SPINK8: variants seen among roughly 807,000 people sequenced by gnomAD.
SPINK8 encodes the protein serine protease inhibitor Kazal-type 8.
Under a neutral mutation model 14.4 loss-of-function variants are expected in SPINK8, and 12 were observed. The ratio of observed to expected loss-of-function variants is 0.83; its 90% CI spans 0.53 to 1.35. The LOEUF (loss-of-function observed/expected upper bound fraction) is 1.35, where lower values mean the gene tolerates loss of function less well. SPINK8 is among the 40% of genes most tolerant of loss of function. The probability of loss-of-function intolerance (pLI) is 0.00; values close to 1 mark genes in which losing one functional copy is unlikely to be tolerated. For synonymous variants in SPINK8, 32 were observed against 37.6 expected (o/e 0.85, Z 0.55); for missense variants, 103 against 117.0 (o/e 0.88, Z 0.55).
intron 6 of SPINK8, among the ~76,000 whole-genome samples, chr3:48,317,569 G>T (rs1173271674): frequency 1.3e-5 from 2 of 152,090 alleles, no homozygotes; most frequent in African/African-American, 4.8e-5. Flanking sequence ...AGGCTGGAGT[G>T]CAGTGGCGCG....
At chr3:48,311,355 C>T (rs1432610235) in intron 6 of SPINK8, among the ~76,000 whole-genome samples, 3 of 152,026 alleles carry the variant, frequency 2.0e-5, no homozygotes, top group African/African-American at 7.3e-5. Context: ...CTGCTTTCAC[C>T]ACTGAGATTC....
chr3:48,312,610 T>A (rs1242688478), intron 6 of SPINK8, among the ~76,000 whole-genome samples: 2 of 151,898 alleles, frequency 1.3e-5, no homozygotes, highest in African/African-American at 4.8e-5. Context: ...GCCACTTCAC[T>A]CCAGCTTGGG....
chr3:48,331,085 T>C (rs373433713), intron 2 of SPINK8, among the ~76,000 whole-genome samples: 1 of 152,116 alleles, frequency 6.6e-6, no homozygotes, highest in South Asian at 2.1e-4. Context: ...ACATTTGTAG[T>C]TTTACAGCTT....
intron 3 of SPINK8, among the ~76,000 whole-genome samples, chr3:48,328,805 A>G (rs888987223): frequency 6.6e-6 from 1 of 152,192 alleles, no homozygotes. Context: ...GTGTAAGTCA[A>G]CAGGCAATAA....
chr3:48,324,393 T>G (rs972411878), intron 4 of SPINK8, among the ~76,000 whole-genome samples: 2 of 152,178 alleles, frequency 1.3e-5, no homozygotes, highest in African/African-American at 4.8e-5. Context: ...CTTAGGACTT[T>G]CTATTCACAA....
At chr3:48,325,699 T>C (rs551382481) in intron 4 of SPINK8, among the ~76,000 whole-genome samples, 7 of 151,890 alleles carry the variant, frequency 4.6e-5, no homozygotes, top group Non-Finnish European at 7.4e-5. Flanking sequence ...TTCAAGTGAT[T>C]CTCCTGCTTC....
chr3:48,332,252 C>T (rs2036275850), intron 2 of SPINK8, among the ~76,000 whole-genome samples, 114 bp downstream of exon 2: 1 of 152,190 alleles, frequency 6.6e-6, no homozygotes, highest in Admixed American at 6.5e-5. Context: ...CTGCCTGCTC[C>T]TTCTGATCTC....
rs767002481 is a variant in SPINK8, at chr3:48,309,895, T to G, written c.282+9A>C. ...TCTAAAAATAAAAAATAAAAGTGTC[T>G]TTACTTACACATTGTCCATCATACA... On this transcript the variant is annotated intron_variant, in intron 7 of 7. Coordinates refer to ENST00000434006, the MANE Select transcript of SPINK8 (RefSeq NM_001080525.3). 1.4e-6 allele frequency: 2 copies of G among 1,454,770 alleles called. No individual in the cohort carries two copies. The highest frequency in any genetic ancestry group is 1.8e-6 in the Non-Finnish European group (2 of 1,106,144). The allele number at this position is 1,454,770 out of a possible 1,614,324, so 90.1% of individuals were successfully genotyped here. A position where few individuals can be genotyped will look rare whatever the true frequency, so the allele number is the denominator to read the frequency against.
Position 48,332,488 on chromosome 3 carries a change from A to G in SPINK8, c.-241-17T>C, listed in dbSNP as rs2036277646. ...TTCCTTTCCCTGTGTTATAGTGGGCATCATTGAATAATTCATAGGCTTCTT... is the reference window on the plus strand; with the variant it reads ...TTCCTTTCCCTGTGTTATAGTGGGCGTCATTGAATAATTCATAGGCTTCTT... On this transcript the variant is annotated splice_polypyrimidine_tract_variant and intron_variant, in intron 1 of 7. Transcript: ENST00000434006. 6.6e-6 allele frequency among the ~76,000 whole-genome samples: 1 copy of G among 152,210 alleles called. No individual in the cohort carries two copies. The highest frequency in any genetic ancestry group is 6.5e-5 in the Admixed American group (1 of 15,282).
chr3:48,313,428 C>G (rs1230850819), intron 6 of SPINK8, among the ~76,000 whole-genome samples: 2 of 152,054 alleles, frequency 1.3e-5, no homozygotes, highest in South Asian at 2.1e-4. Context: ...GATGAGATAC[C>G]ATTTTCACAC....
chr3:48,320,443 G>C (rs2036056795), intron 5 of SPINK8, among the ~76,000 whole-genome samples: 2 of 151,902 alleles, frequency 1.3e-5, no homozygotes, highest in African/African-American at 4.8e-5. Context: ...AGCTACTCGG[G>C]AGGCTGAGGC....
At chr3:48,331,791 C>G (rs1320070008) in intron 2 of SPINK8, among the ~76,000 whole-genome samples, 2 of 152,134 alleles carry the variant, frequency 1.3e-5, no homozygotes, top group Non-Finnish European at 2.9e-5. Flanking sequence ...TCCTAGGACC[C>G]CTCGGATAGT....
intron 6 of SPINK8, among the ~76,000 whole-genome samples, chr3:48,311,012 A>G (rs1184508129): frequency 1.3e-5 from 2 of 152,180 alleles, no homozygotes; most frequent in Non-Finnish European, 2.9e-5. Context: ...AATTGAATAC[A>G]ACCACATATT....
intron 6 of SPINK8, among the ~76,000 whole-genome samples, chr3:48,317,799 TGCA>T (rs1456626755): frequency 1.3e-5 from 2 of 152,180 alleles, no homozygotes; most frequent in African/African-American, 4.8e-5. Context: ...CAGGCTAGAG[TGCA>T]GTGGCACGAT....
intron 4 of SPINK8, among the ~76,000 whole-genome samples, chr3:48,323,190 G>C (rs1415957157): frequency 1.3e-5 from 2 of 152,080 alleles, no homozygotes; most frequent in African/African-American, 4.8e-5. Context: ...TGTCACACAG[G>C]CTGGAGTGCA....
chr3:48,317,413 A>G (rs2107093768), intron 6 of SPINK8, among the ~76,000 whole-genome samples: 1 of 152,290 alleles, frequency 6.6e-6, no homozygotes, highest in South Asian at 2.1e-4. Flanking sequence ...ACTTGAACCC[A>G]GGAGGCAGAG....
chr3:48,307,370 C>T (rs2035862100), intron 7 of SPINK8, among the ~76,000 whole-genome samples: 1 of 151,050 alleles, frequency 6.6e-6, no homozygotes, highest in Admixed American at 6.6e-5. Context: ...CCTCTTTTCC[C>T]TTTCCTTTCC....
chr3:48,307,005 T>G lies in SPINK8; in HGVS notation c.283-2A>C, dbSNP rs753125622. On this transcript the variant is annotated splice_acceptor_variant, in intron 7 of 7. Coordinates refer to ENST00000434006, the MANE Select transcript of SPINK8 (RefSeq NM_001080525.3). LOFTEE classifies it high-confidence loss of function. ...TTTGTCGTACGTTCAAGAGTTTTCC[T>G]GCAAGAGAAGTATCTGCTTAGAGAA... 2 of 1,613,064 alleles carry G rather than the reference T, an allele frequency of 1.2e-6. No individual in the cohort carries two copies. The highest frequency in any genetic ancestry group is 2.7e-5 in the African/African-American group (2 of 74,932).
intron 4 of SPINK8, among the ~76,000 whole-genome samples, chr3:48,323,900 G>A (rs919700307): frequency 6.7e-6 from 1 of 149,584 alleles, no homozygotes; most frequent in African/African-American, 2.4e-5. Flanking sequence ...TTTGTAGTAA[G>A]CTTTGAAATT....
Sources: allele counts gnomAD v4.1 joint callset (sites outside exome capture counted in the v4.1 genomes callset), GRCh38; gene constraint gnomAD v4.1.1; transcripts MANE v1.5; gene names NCBI Gene and HGNC (gene_info 2026-07-23, HGNC 2026-07-21).